NTM: variants seen among roughly 807,000 people sequenced by gnomAD.
The protein encoded by NTM is IgLON family member 2.
Under a neutral mutation model 42.1 loss-of-function variants are expected in NTM, and 13 were observed. That is an observed-to-expected ratio of 0.31 (90% CI 0.20 to 0.49). The LOEUF (loss-of-function observed/expected upper bound fraction) is 0.49. Ranked by LOEUF, NTM falls within the 20% of genes least tolerant of loss-of-function variation. The pLI is 0.99. For missense variants in NTM, 373 were observed against 452.8 expected (o/e 0.82, Z 1.60); for synonymous variants, 187 against 179.2 (o/e 1.04, Z -0.35).
chr11:132,311,691 A>G (rs1291909322), intron 6 of NTM, among the ~76,000 whole-genome samples: 1 of 152,238 alleles, frequency 6.6e-6, no homozygotes, highest in East Asian at 1.9e-4. Flanking sequence ...CCAAATCTTC[A>G]ATTGTCTAGG....
chr11:131,899,519 C>T (rs1222828942), intron 1 of NTM, among the ~76,000 whole-genome samples: 1 of 152,150 alleles, frequency 6.6e-6, no homozygotes, highest in Non-Finnish European at 1.5e-5. Flanking sequence ...GGGACCATGA[C>T]ATTAGAAAGG....
chr11:131,737,132 G>A (rs1352872436), intron 1 of NTM, among the ~76,000 whole-genome samples: 7 of 152,186 alleles, frequency 4.6e-5, no homozygotes, highest in African/African-American at 1.7e-4. Flanking sequence ...CAGTTACTGG[G>A]TTCTGATGGA....
rs1394839035 is a variant in NTM at position 131,959,462 on chromosome 11, T to C, written c.167+47814T>C. ...GGGCAACATAGAGAAACCCCATCTTTACAAAATAAAATAATTAAAAAAAAT... is the reference window on the plus strand; with the variant it reads ...GGGCAACATAGAGAAACCCCATCTTCACAAAATAAAATAATTAAAAAAAAT... On this transcript the variant is annotated intron_variant, in intron 2 of 8. Coordinates refer to ENST00000683400, the MANE Select transcript of NTM (RefSeq NM_001352005.2). Among the ~76,000 whole-genome samples, 3 of 152,070 alleles carry C rather than the reference T, an allele frequency of 2.0e-5. No homozygotes were observed. The Middle Eastern group carries it at 0.01, about 521-fold the overall frequency.
At chr11:131,754,635 A>AG (rs2135736435) in intron 1 of NTM, among the ~76,000 whole-genome samples, 1 of 151,908 alleles carries the variant, frequency 6.6e-6, no homozygotes, top group African/African-American at 2.4e-5. Context: ...CAAAAAAAAA[A>AG]AAATGCTAAA....
At chr11:131,836,081 G>T (rs553426773) in intron 1 of NTM, among the ~76,000 whole-genome samples, 5 of 152,314 alleles carry the variant, frequency 3.3e-5, no homozygotes, top group Non-Finnish European at 4.4e-5. Context: ...GGAGGCTTCT[G>T]AGTACAGGTC....
chr11:131,775,497 T>G lies in NTM; in HGVS notation c.83-136067T>G, dbSNP rs2086818944. ...CAACATGACTAAAAATTTGGTCATT[T>G]TAGTTGCTCTTATTTAATAAATCCC... On this transcript the variant is annotated intron_variant, in intron 1 of 8. Transcript: ENST00000683400. Among the ~76,000 whole-genome samples the G allele has an allele frequency of 2.0e-5, 3 of 152,300 alleles. No homozygotes were observed. The South Asian group carries it at 6.2e-4, about 32-fold the overall frequency.
intron 1 of NTM, among the ~76,000 whole-genome samples, chr11:131,431,521 T>C (rs774863316): frequency 6.6e-6 from 1 of 152,058 alleles, no homozygotes; most frequent in African/African-American, 2.4e-5. Flanking sequence ...GTTAAGAGAG[T>C]AGCCCAGGCC....
At chr11:131,796,420 G>A (rs531302088) in intron 1 of NTM, among the ~76,000 whole-genome samples, 27 of 152,272 alleles carry the variant, frequency 1.8e-4, no homozygotes, top group Non-Finnish European at 3.4e-4. Context: ...GAAGGAAGAT[G>A]GAAGCAGAAC....
At chr11:131,624,281 G>A (rs770766414) in intron 1 of NTM, among the ~76,000 whole-genome samples, 4 of 152,128 alleles carry the variant, frequency 2.6e-5, no homozygotes, top group Non-Finnish European at 4.4e-5. Context: ...ACATGGCATC[G>A]TGTCTCTGCA....
chr11:131,792,198 A>G (rs2091026721), intron 1 of NTM, among the ~76,000 whole-genome samples: 1 of 152,194 alleles, frequency 6.6e-6, no homozygotes, highest in Non-Finnish European at 1.5e-5. Flanking sequence ...TACCTCATAA[A>G]TATATACCTA....
chr11:131,860,692 C>A (rs753708564), intron 1 of NTM, among the ~76,000 whole-genome samples: 3 of 152,214 alleles, frequency 2.0e-5, no homozygotes, highest in Non-Finnish European at 4.4e-5. Flanking sequence ...CAAGGACCAA[C>A]CATGCAAGCA....
In NTM at chr11:132,093,923, G is replaced by A. The variant is rs1412562409; in HGVS notation, c.168-52359G>A. On this transcript the variant is annotated intron_variant, in intron 2 of 8. Coordinates refer to ENST00000683400, the MANE Select transcript of NTM (RefSeq NM_001352005.2). The stretch of plus-strand genomic sequence containing the variant: ...ATTGAGCAAAGAGCCAATTAAATCC[G>A]GTAGTTTCCTGAGCCAGAGTAGGCT... Among the ~76,000 whole-genome samples, 4 of 152,148 alleles carry A rather than the reference G, an allele frequency of 2.6e-5. No individual in the cohort carries two copies. The East Asian group carries it at 5.8e-4, about 22-fold the overall frequency.
intron 2 of NTM, among the ~76,000 whole-genome samples, chr11:131,931,683 C>A (rs1362289719): frequency 1.3e-5 from 2 of 152,092 alleles, no homozygotes; most frequent in Non-Finnish European, 2.9e-5. Flanking sequence ...GCTTCAGAAG[C>A]AAGACCTCAG....
At position 131,476,771 on chromosome 11, in the gene NTM, C is replaced by T. The variant is rs139247924; in HGVS notation, c.82+105883C>T. Among the ~76,000 whole-genome samples, 781 of 150,244 alleles carry T rather than the reference C, an allele frequency of 5.2e-3. 5 individuals are homozygous for T. Among genetic ancestry groups the T allele is most frequent in the African/African-American group, 0.018 (723 of 40,942 alleles). ...ACACTTCCCCTGCCCACCCCACCCA[C>T]CCCTTCTCCTACTCAGCCCACATAG... On this transcript the variant is annotated intron_variant, in intron 1 of 8. Transcript: ENST00000683400.
intron 2 of NTM, among the ~76,000 whole-genome samples, chr11:132,008,298 G>T (rs1014129165): frequency 9.2e-5 from 14 of 152,098 alleles, no homozygotes; most frequent in Non-Finnish European, 1.6e-4. Context: ...TAATCTTTCT[G>T]AGTCTTGGTT....
At chr11:131,392,576 G>A (rs1044185975) in intron 1 of NTM, among the ~76,000 whole-genome samples, 13 of 152,232 alleles carry the variant, frequency 8.5e-5, no homozygotes, top group Non-Finnish European at 1.9e-4. Flanking sequence ...GCCTTGAGAA[G>A]GATGTGTTTT....
intron 1 of NTM, among the ~76,000 whole-genome samples, chr11:131,463,923 C>T (rs1951644659): frequency 6.6e-6 from 1 of 152,230 alleles, no homozygotes; most frequent in South Asian, 2.1e-4. Flanking sequence ...GGTTTATCAC[C>T]AGGTTTCTGA....
At chr11:132,107,339 C>CTTTTTT (rs780844735) in intron 2 of NTM, among the ~76,000 whole-genome samples, 18 of 88,864 alleles carry the variant, frequency 2.0e-4, no homozygotes, top group African/African-American at 7.0e-4. Flanking sequence ...AAGATTTATC[C>CTTTTTT]TTTTTTTTTT....
intron 2 of NTM, among the ~76,000 whole-genome samples, chr11:132,126,292 G>A (rs2137006325): frequency 6.6e-6 from 1 of 152,274 alleles, no homozygotes; most frequent in East Asian, 1.9e-4. Flanking sequence ...TTAATGGCAA[G>A]GTAGGGAGAC....
Sources: allele counts gnomAD v4.1 joint callset (sites outside exome capture counted in the v4.1 genomes callset), GRCh38; gene constraint gnomAD v4.1.1; transcripts MANE v1.5; gene names NCBI Gene and HGNC (gene_info 2026-07-23, HGNC 2026-07-21).